Variants in CR1L observed in about 807,000 individuals in gnomAD.
CR1L encodes complement C3b/C4b receptor 1 like.
Under a neutral mutation model 62.3 loss-of-function variants are expected in CR1L, and 59 were observed. The observed-to-expected ratio is 0.95, with a 90% CI of 0.77 to 1.18. The LOEUF (loss-of-function observed/expected upper bound fraction) is 1.18. Among genes scored for constraint, CR1L ranks in the 50% most tolerant of loss-of-function variants. CR1L has a pLI of 0.00. For synonymous variants in CR1L, 279 were observed against 248.7 expected (o/e 1.12, Z -1.15); for missense variants, 700 against 702.8 (o/e 1.00, Z 0.04).
chr1:207,671,852 C>G (rs2102454233), intron 1 of CR1L, among the ~76,000 whole-genome samples: 1 of 150,656 alleles, frequency 6.6e-6, no homozygotes, highest in South Asian at 2.1e-4. Context: ...ACCTGGGAGG[C>G]AGAGGTTGCA....
intron 3 of CR1L, among the ~76,000 whole-genome samples, chr1:207,683,048 T>C (rs1663829774): frequency 7.2e-6 from 1 of 138,680 alleles, no homozygotes; most frequent in Non-Finnish European, 1.6e-5. Flanking sequence ...CCTTCCCTCC[T>C]TCCTTCCTTC....
chr1:207,718,312 T>C (rs1390475232), intron 11 of CR1L, among the ~76,000 whole-genome samples: 1 of 152,230 alleles, frequency 6.6e-6, no homozygotes, highest in Non-Finnish European at 1.5e-5. Context: ...TTACTCTGGC[T>C]TTAAACGACA....
intron 1 of CR1L, among the ~76,000 whole-genome samples, chr1:207,672,640 G>A (rs1663630309): frequency 6.6e-6 from 1 of 151,924 alleles, no homozygotes. Context: ...CACATTCATG[G>A]GGATAGACCA....
intron 9 of CR1L, among the ~76,000 whole-genome samples, chr1:207,702,348 C>T (rs923196638): frequency 4.6e-5 from 7 of 152,198 alleles, no homozygotes; most frequent in African/African-American, 1.7e-4. Flanking sequence ...CTCTCTCCCT[C>T]TCTTCAGGAC....
At chr1:207,665,344 G>A (rs543178048) in intron 1 of CR1L, among the ~76,000 whole-genome samples, 5 of 149,518 alleles carry the variant, frequency 3.3e-5, no homozygotes, top group African/African-American at 1.2e-4. Flanking sequence ...GTGAGCTGTA[G>A]TGACCATTCT....
chr1:207,669,864 T>A (rs1663583212), intron 1 of CR1L, among the ~76,000 whole-genome samples: 1 of 151,284 alleles, frequency 6.6e-6, no homozygotes. Context: ...CTTGCCTTTG[T>A]GTATTCACAG....
At chr1:207,716,907 C>G (rs777166149) in intron 10 of CR1L, among the ~76,000 whole-genome samples, 14 of 152,054 alleles carry the variant, frequency 9.2e-5, no homozygotes, top group Non-Finnish European at 1.8e-4. Context: ...AGAAAAAAAG[C>G]CTCTTTGGCA....
intron 1 of CR1L, among the ~76,000 whole-genome samples, chr1:207,646,074 G>C (rs1022390504): frequency 2.6e-5 from 4 of 151,322 alleles, no homozygotes; most frequent in African/African-American, 9.7e-5. Flanking sequence ...AACAGTGTCC[G>C]TGTTGCCTGA....
At chr1:207,661,184 A>G (rs1297879648) in intron 1 of CR1L, among the ~76,000 whole-genome samples, 2 of 152,104 alleles carry the variant, frequency 1.3e-5, no homozygotes, top group Admixed American at 1.3e-4. Context: ...AGCTGAGTTC[A>G]ATTCCTGGAT....
chr1:207,646,972 G>A (rs552049291), intron 1 of CR1L, among the ~76,000 whole-genome samples: 404 of 152,102 alleles, frequency 2.7e-3, no homozygotes, highest in Non-Finnish European at 5.0e-3. Context: ...TACACTAGTA[G>A]GTAATAACAG....
At chr1:207,708,035 A>C (rs1664295942) in intron 9 of CR1L, 143 bp from the exon 10 acceptor site, 2 of 974,472 alleles carry the variant, frequency 2.1e-6, no homozygotes, top group South Asian at 3.0e-5. Flanking sequence ...AAAGAAGTAG[A>C]AAAGCTGGGA....
intron 1 of CR1L, among the ~76,000 whole-genome samples, chr1:207,667,528 T>A (rs1438825133): frequency 6.6e-6 from 1 of 152,224 alleles, no homozygotes; most frequent in East Asian, 1.9e-4. Context: ...AATATCCAAC[T>A]GCAAAGTCCT....
At chr1:207,688,810 C>T (rs1663951945) in intron 4 of CR1L, among the ~76,000 whole-genome samples, 2 of 151,890 alleles carry the variant, frequency 1.3e-5, no homozygotes, top group Middle Eastern at 6.8e-3. Context: ...ATCTTTATTA[C>T]TACATATTAT....
At chr1:207,693,879 T>C (rs1429358926) in intron 4 of CR1L, among the ~76,000 whole-genome samples, 1 of 152,196 alleles carries the variant, frequency 6.6e-6, no homozygotes, top group Non-Finnish European at 1.5e-5. Flanking sequence ...CCCCCAGTAG[T>C]CTACAGTTTT....
At chr1:207,704,749 CT>C (rs1008339769) in intron 9 of CR1L, among the ~76,000 whole-genome samples, 16 of 152,096 alleles carry the variant, frequency 1.1e-4, no homozygotes, top group Non-Finnish European at 1.5e-4. Flanking sequence ...AAAGTATGAC[CT>C]TTTTTTCACA....
chr1:207,678,233 GGC>G lies in CR1L; in HGVS notation c.314_315del (p.Gly105AspfsTer15). ...TCGTAATCCTCCAGATCCTGTGAAT[GGC>G]ATGGCACATGTGATCAAAGACATCC... Reference protein sequence around the residue: ...SCRNPPDPVNGMAHVIKDIQF... With the variant: ...SCRNPPDPVNXMAHVIKDIQF... On this transcript the variant is annotated frameshift_variant, in exon 3 of 12. Coordinates refer to ENST00000508064, the MANE Select transcript of CR1L (RefSeq NM_175710.2). LOFTEE classifies it high-confidence loss of function. The G allele has an allele frequency of 6.2e-7, 1 of 1,613,678 alleles. No individual in the cohort carries two copies. The highest frequency in any genetic ancestry group is 8.5e-7 in the Non-Finnish European group (1 of 1,179,628).
At chr1:207,710,794 C>A (rs1247388432) in intron 10 of CR1L, 159 of 1,581,480 alleles carry the variant, frequency 1.0e-4, no homozygotes, top group Admixed American at 1.8e-4. Flanking sequence ...GGTGTGTTTG[C>A]CTGAGGCCTA....
chr1:207,681,174 T>C (rs753792433), intron 3 of CR1L, among the ~76,000 whole-genome samples: 22 of 152,344 alleles, frequency 1.4e-4, no homozygotes, highest in Admixed American at 3.3e-4. Flanking sequence ...AAAATGGAAA[T>C]GGGACTAATA....
intron 8 of CR1L, among the ~76,000 whole-genome samples, chr1:207,699,842 A>G (rs573011368): frequency 6.6e-6 from 1 of 152,048 alleles, no homozygotes; most frequent in Non-Finnish European, 1.5e-5. Context: ...TGTTGTTTTT[A>G]CTCAGGTAGG....
Sources: gnomAD v4.1 joint callset for allele counts (sites outside exome capture counted in the v4.1 genomes callset) on GRCh38, gnomAD v4.1.1 for gene constraint, MANE v1.5 for transcripts, NCBI Gene and HGNC (gene_info 2026-07-23, HGNC 2026-07-21) for gene names.